The following GRID1 variants were observed in gnomAD, a reference collection of about 807,000 sequenced individuals.
GRID1 encodes glutamate receptor ionotropic, delta-1.
Under a neutral mutation model 98.0 loss-of-function variants are expected in GRID1, and 28 were observed. The observed-to-expected ratio is 0.29, with a 90% CI of 0.21 to 0.39. The LOEUF is 0.39. GRID1 is among the 10% of genes least tolerant of loss of function. GRID1 has a pLI of 1.00. For missense variants in GRID1, 1,111 were observed against 1,340.5 expected, an observed-to-expected ratio of 0.83 and a Z score of 2.67; for synonymous variants, 553 against 538.5, an observed-to-expected ratio of 1.03 and a Z score of -0.37.
intron 3 of GRID1, among the ~76,000 whole-genome samples, chr10:86,188,468 T>A (rs1845755546): frequency 6.6e-6 from 1 of 151,892 alleles, no homozygotes; most frequent in African/African-American, 2.4e-5. Context: ...AGCTACCCCA[T>A]CCCCCTGCCA....
chr10:86,066,805 G>A (rs1046391532), intron 4 of GRID1, among the ~76,000 whole-genome samples: 1 of 152,156 alleles, frequency 6.6e-6, no homozygotes, highest in Non-Finnish European at 1.5e-5. Context: ...TTAAGGAAAT[G>A]TGCCTAGATG....
At chr10:86,317,846 T>A (rs912623675) in intron 2 of GRID1, among the ~76,000 whole-genome samples, 2 of 152,082 alleles carry the variant, frequency 1.3e-5, no homozygotes, top group African/African-American at 4.8e-5. Context: ...GTTCAAGCGA[T>A]CCTCCCACCC....
intron 12 of GRID1, among the ~76,000 whole-genome samples, chr10:85,700,647 T>C (rs1841440629): frequency 6.6e-6 from 1 of 152,162 alleles, no homozygotes; most frequent in African/African-American, 2.4e-5. Flanking sequence ...TATTAGTAAT[T>C]GTAAAGGAAA....
At chr10:86,205,389 T>C (rs1846012061) in intron 3 of GRID1, among the ~76,000 whole-genome samples, 1 of 152,206 alleles carries the variant, frequency 6.6e-6, no homozygotes, top group African/African-American at 2.4e-5. Context: ...ACAGGGATCC[T>C]TGTGAAGGAA....
At chr10:85,955,306 A>T (rs1461971435) in intron 4 of GRID1, among the ~76,000 whole-genome samples, 1 of 152,178 alleles carries the variant, frequency 6.6e-6, no homozygotes, top group Non-Finnish European at 1.5e-5. Flanking sequence ...CCATGATTAA[A>T]CAACATATGG....
At chr10:86,284,133 C>T (rs1847395734) in intron 2 of GRID1, among the ~76,000 whole-genome samples, 1 of 150,968 alleles carries the variant, frequency 6.6e-6, no homozygotes, top group Admixed American at 6.6e-5. Flanking sequence ...CACCTGCCCT[C>T]ATGCACACAC....
chr10:86,266,598 T>A (rs1042498420), intron 2 of GRID1, among the ~76,000 whole-genome samples: 5 of 152,194 alleles, frequency 3.3e-5, no homozygotes, highest in African/African-American at 1.2e-4. Flanking sequence ...AGGTCAGTGA[T>A]GAGTGTCAGC....
rs1195937439 is a variant in GRID1, at chr10:85,663,581, A to G, written c.1998-16184T>C. Among the ~76,000 whole-genome samples, 4 of 152,278 alleles carry G rather than the reference A, an allele frequency of 2.6e-5. 1 individual carries two copies. In the South Asian group the frequency reaches 8.3e-4, roughly 32 times the overall value. ...AGCCCCCATGTGCCCTGACAATCAC[A>G]GAAACTTCCCTAATCATGGTACTCG... On this transcript the variant is annotated intron_variant, in intron 12 of 15. Coordinates refer to ENST00000327946, the MANE Select transcript of GRID1 (RefSeq NM_017551.3).
intron 3 of GRID1, among the ~76,000 whole-genome samples, chr10:86,204,776 G>C (rs1314003614): frequency 6.6e-6 from 1 of 152,162 alleles, no homozygotes; most frequent in Non-Finnish European, 1.5e-5. Flanking sequence ...AAGTGAGATG[G>C]GAAGGGCCTG....
chr10:86,215,913 T>C (rs1469421405), intron 2 of GRID1, among the ~76,000 whole-genome samples: 1 of 152,172 alleles, frequency 6.6e-6, no homozygotes, highest in Non-Finnish European at 1.5e-5. Context: ...GCTCCCCAGC[T>C]CCACACATCA....
chr10:85,728,380 G>A (rs1841786058), intron 9 of GRID1, among the ~76,000 whole-genome samples: 1 of 152,094 alleles, frequency 6.6e-6, no homozygotes, highest in South Asian at 2.1e-4. Context: ...GCAGAGCTAG[G>A]ACTGTATCCT....
intron 12 of GRID1, among the ~76,000 whole-genome samples, chr10:85,654,123 A>G (rs1057033587): frequency 2.6e-5 from 4 of 152,132 alleles, no homozygotes; most frequent in Non-Finnish European, 4.4e-5. Context: ...GCACGCTTCC[A>G]TAGGTCACAG....
At position 85,805,617 on chromosome 10, in the gene GRID1, A is replaced by G. The variant is rs1444167872; in HGVS notation, c.1233+48879T>C. On this transcript the variant is annotated intron_variant, in intron 8 of 15. Transcript: ENST00000327946. ...GCTTCAGTAATGAAGAAGGTGTGGT[A>G]TTAGCTTAAAGATAAGTGTATTTTA... Among the ~76,000 whole-genome samples, 3 of 151,974 alleles carry G rather than the reference A, an allele frequency of 2.0e-5. No homozygotes were observed. In the East Asian group the frequency reaches 5.8e-4, roughly 29 times the overall value.
chr10:85,631,611 A>C (rs796410830), intron 13 of GRID1, among the ~76,000 whole-genome samples: 3 of 152,376 alleles, frequency 2.0e-5, no homozygotes, highest in African/African-American at 7.2e-5. Context: ...AAAATCTGCA[A>C]TTGTACACTA....
intron 3 of GRID1, among the ~76,000 whole-genome samples, chr10:86,161,276 G>A (rs547547342): frequency 6.6e-6 from 1 of 152,274 alleles, no homozygotes; most frequent in South Asian, 2.1e-4. Context: ...AGCACATTCA[G>A]GCACATTCAG....
At chr10:85,856,776 A>G (rs2131782258) in intron 6 of GRID1, among the ~76,000 whole-genome samples, 1 of 152,344 alleles carries the variant, frequency 6.6e-6, no homozygotes, top group South Asian at 2.1e-4. Context: ...TTTCCAAAAG[A>G]GGCAATATAC....
In GRID1 at chr10:85,612,176, C is replaced by T. The variant is rs369244081; in HGVS notation, c.2601+1231G>A. Reference sequence around the variant, plus strand: ...CGAGGGACGCCCACCCCTGTCCTCACCCCTGACCTGCCAGGAATGCCCTTA... The same window carrying T: ...CGAGGGACGCCCACCCCTGTCCTCATCCCTGACCTGCCAGGAATGCCCTTA... On this transcript the variant is annotated intron_variant, in intron 15 of 15. Transcript: ENST00000327946. Among the ~76,000 whole-genome samples, 385 of 152,318 alleles carry T rather than the reference C, an allele frequency of 2.5e-3. 4 individuals are homozygous for T. The highest frequency in any genetic ancestry group is 8.9e-3 in the African/African-American group (370 of 41,582).
At chr10:86,138,450 C>G (rs1198175809) in intron 4 of GRID1, among the ~76,000 whole-genome samples, 1 of 152,006 alleles carries the variant, frequency 6.6e-6, no homozygotes, top group Non-Finnish European at 1.5e-5. Context: ...CTGCAGAAAG[C>G]TGGAAATTTA....
At chr10:85,789,470 A>G (rs1842458794) in intron 8 of GRID1, among the ~76,000 whole-genome samples, 1 of 152,094 alleles carries the variant, frequency 6.6e-6, no homozygotes, top group Admixed American at 6.5e-5. Context: ...TTTATAGAAC[A>G]TGGCAGCTTG....
Sources: gnomAD v4.1 joint callset for allele counts (sites outside exome capture counted in the v4.1 genomes callset) on GRCh38, gnomAD v4.1.1 for gene constraint, MANE v1.5 for transcripts, NCBI Gene and HGNC (gene_info 2026-07-23, HGNC 2026-07-21) for gene names.